FGF12: variants seen among roughly 807,000 people sequenced by gnomAD.
FGF12 encodes the protein fibroblast growth factor 12B.
A neutral mutation model predicts 23.6 loss-of-function variants in FGF12; 14 were observed. That is an observed-to-expected ratio of 0.59 (90% confidence interval 0.39 to 0.93). The LOEUF is 0.93. Among genes scored for constraint, FGF12 ranks in the 40% least tolerant of loss-of-function variants. FGF12 has a pLI of 0.00. For missense variants in FGF12, 175 were observed against 217.8 expected (o/e 0.80, Z 1.24); for synonymous variants, 62 against 77.3 (o/e 0.80, Z 1.04).
chr3:192,162,547 T>C (rs1021348686), intron 5 of FGF12, among the ~76,000 whole-genome samples: 2 of 152,052 alleles, frequency 1.3e-5, no homozygotes, highest in African/African-American at 4.8e-5. Flanking sequence ...AGGAGGAAAG[T>C]ATCACAGGCT....
At chr3:192,230,954 T>C (rs1718988192) in intron 4 of FGF12, among the ~76,000 whole-genome samples, 1 of 152,200 alleles carries the variant, frequency 6.6e-6, no homozygotes, top group South Asian at 2.1e-4. Context: ...CACTTTAAGC[T>C]AATGATGACC....
intron 2 of FGF12, among the ~76,000 whole-genome samples, chr3:192,644,740 C>A (rs907588431): frequency 3.3e-5 from 5 of 152,168 alleles, no homozygotes; most frequent in African/African-American, 1.2e-4. Flanking sequence ...AGTCTGCCAT[C>A]ATCTGAAGCC....
At chr3:192,706,375 C>A (rs1014678713) in intron 2 of FGF12, among the ~76,000 whole-genome samples, 1 of 152,052 alleles carries the variant, frequency 6.6e-6, no homozygotes, top group African/African-American at 2.4e-5. Context: ...TTACCAATGA[C>A]GTAACAGAAG....
chr3:192,652,004 C>T (rs1398179927), intron 2 of FGF12, among the ~76,000 whole-genome samples: 2 of 152,128 alleles, frequency 1.3e-5, no homozygotes, highest in African/African-American at 4.8e-5. Flanking sequence ...TTGGAAGGCT[C>T]ATTTATTTAT....
intron 4 of FGF12, among the ~76,000 whole-genome samples, chr3:192,270,454 AAAAAG>A (rs1185901662): frequency 2.0e-5 from 3 of 152,134 alleles, no homozygotes; most frequent in African/African-American, 7.2e-5. Flanking sequence ...CTAAGAAGAG[AAAAAG>A]AAAAGAAAAA....
chr3:192,404,827 C>G (rs1258274901), intron 2 of FGF12, among the ~76,000 whole-genome samples: 2 of 152,190 alleles, frequency 1.3e-5, no homozygotes, highest in African/African-American at 4.8e-5. Flanking sequence ...ATACGGTGGT[C>G]ATTGCTGAAG....
intron 2 of FGF12, among the ~76,000 whole-genome samples, chr3:192,596,127 T>TATAATATAAC: frequency 6.8e-6 from 1 of 147,552 alleles, no homozygotes; most frequent in Admixed American, 6.8e-5. Flanking sequence ...TATAATATAA[T>TATAATATAAC]ATAATATAAT....
At chr3:192,296,069 T>C (rs1387334501) in intron 4 of FGF12, among the ~76,000 whole-genome samples, 3 of 141,718 alleles carry the variant, frequency 2.1e-5, no homozygotes, top group African/African-American at 7.7e-5. Context: ...TTTCTTTTTT[T>C]TTTTTTTTTT....
intron 4 of FGF12, among the ~76,000 whole-genome samples, chr3:192,237,659 G>A (rs1336239834): frequency 6.6e-6 from 1 of 152,058 alleles, no homozygotes; most frequent in East Asian, 1.9e-4. Flanking sequence ...TAAAATTTCT[G>A]GAGTCAATTT....
chr3:192,453,945 C>A (rs1722603766), intron 2 of FGF12, among the ~76,000 whole-genome samples: 1 of 151,998 alleles, frequency 6.6e-6, no homozygotes, highest in African/African-American at 2.4e-5. Context: ...AAAGATATTT[C>A]TTTCTCTCCA....
In FGF12 at chr3:192,592,105, T is replaced by C. The variant is rs180846727; in HGVS notation, c.13+135076A>G. Among the ~76,000 whole-genome samples, 408 of 151,968 alleles carry C rather than the reference T, an allele frequency of 2.7e-3. 6 individuals are homozygous for C. Among genetic ancestry groups the C allele is most frequent in the Admixed American group, 0.023 (352 of 15,260 alleles). On this transcript the variant is annotated intron_variant, in intron 2 of 5. Transcript: ENST00000445105. ...AGTAGCCCTGTATACCTGGATACTTTTACCTAGTTCAAAATTCTAGAATTA... is the reference window on the plus strand; with the variant it reads ...AGTAGCCCTGTATACCTGGATACTTCTACCTAGTTCAAAATTCTAGAATTA...
At chr3:192,519,991 C>T (rs1724776383) in intron 2 of FGF12, among the ~76,000 whole-genome samples, 1 of 152,092 alleles carries the variant, frequency 6.6e-6, no homozygotes, top group African/African-American at 2.4e-5. Flanking sequence ...TATTTTGTCC[C>T]CTCTACCCTA....
At chr3:192,395,136 C>T (rs1720464904) in intron 2 of FGF12, among the ~76,000 whole-genome samples, 1 of 152,180 alleles carries the variant, frequency 6.6e-6, no homozygotes, top group Non-Finnish European at 1.5e-5. Context: ...ATATTGGCTG[C>T]ACCACCCACT....
intron 3 of FGF12, among the ~76,000 whole-genome samples, chr3:192,347,723 G>A (rs1241322415): frequency 6.6e-6 from 1 of 152,108 alleles, no homozygotes; most frequent in Non-Finnish European, 1.5e-5. Flanking sequence ...CTACAGATGT[G>A]GTTCAAAAAT....
chr3:192,475,879 A>G (rs1723302559), intron 2 of FGF12, among the ~76,000 whole-genome samples: 1 of 152,212 alleles, frequency 6.6e-6, no homozygotes, highest in African/African-American at 2.4e-5. Context: ...TAGATCAGAT[A>G]GATGATAGAT....
At chr3:192,498,082 T>C (rs1724015714) in intron 2 of FGF12, among the ~76,000 whole-genome samples, 1 of 152,246 alleles carries the variant, frequency 6.6e-6, no homozygotes, top group Non-Finnish European at 1.5e-5. Context: ...TTACTTAAAG[T>C]GTTCTTTCTC....
At chr3:192,296,049 T>A (rs1313411780) in intron 4 of FGF12, among the ~76,000 whole-genome samples, 1 of 143,284 alleles carries the variant, frequency 7.0e-6, no homozygotes, top group African/African-American at 2.6e-5. Flanking sequence ...GCTGACTAAC[T>A]TTGTTTTTCT....
intron 2 of FGF12, among the ~76,000 whole-genome samples, chr3:192,477,089 G>A (rs1268600214): frequency 2.0e-5 from 3 of 152,142 alleles, no homozygotes; most frequent in Non-Finnish European, 2.9e-5. Context: ...CTAGCTTAAC[G>A]GAAAAAGAAG....
At chr3:192,269,710 G>A (rs1577302999) in intron 4 of FGF12, among the ~76,000 whole-genome samples, 1 of 152,112 alleles carries the variant, frequency 6.6e-6, no homozygotes, top group East Asian at 1.9e-4. Flanking sequence ...ACTCTTAATG[G>A]CCACACAATA....
Sources: gnomAD v4.1 joint callset for allele counts (sites outside exome capture counted in the v4.1 genomes callset) on GRCh38, gnomAD v4.1.1 for gene constraint, MANE v1.5 for transcripts, NCBI Gene and HGNC (gene_info 2026-07-23, HGNC 2026-07-21) for gene names.